The following FAT4 variants were observed in gnomAD, a reference collection of about 807,000 sequenced individuals.
The protein encoded by FAT4 is protocadherin Fat 4.
In FAT4, 84 loss-of-function variants were observed where a neutral mutation model predicts 303.9. The ratio of observed to expected loss-of-function variants is 0.28; its 90% CI spans 0.23 to 0.33. The LOEUF (loss-of-function observed/expected upper bound fraction) is 0.33. FAT4 is among the 10% of genes least tolerant of loss of function. The pLI is 1.00. For synonymous variants in FAT4, 2,307 were observed against 2,298.8 expected, an observed-to-expected ratio of 1.00 and a Z score of -0.10; for missense variants, 6,005 against 6,146.8, an observed-to-expected ratio of 0.98 and a Z score of 0.77.
rs1725032279 is a variant in FAT4 at position 125,424,807 on chromosome 4, A to C, written c.7018+8185A>C. On this transcript the variant is annotated intron_variant, in intron 7 of 17. Transcript: ENST00000394329. ...ATGCGGTTAAATTAACTGGCGAGAGAGTGTTAAGTACTTACGTATTTTACC... is the reference window on the plus strand; with the variant it reads ...ATGCGGTTAAATTAACTGGCGAGAGCGTGTTAAGTACTTACGTATTTTACC... Among the ~76,000 whole-genome samples, 2 of 152,146 alleles carry C rather than the reference A, an allele frequency of 1.3e-5. 1 individual carries two copies. Among genetic ancestry groups the C allele is most frequent in the South Asian group, 4.1e-4 (2 of 4,830 alleles).
At chr4:125,349,518 GC>G (rs1732139100) in intron 2 of FAT4, among the ~76,000 whole-genome samples, 1 of 151,626 alleles carries the variant, frequency 6.6e-6, no homozygotes, top group African/African-American at 2.4e-5. Context: ...TCTATAACAA[GC>G]TTTGGAAAAG....
chr4:125,482,192 C>T (rs114345861), intron 16 of FAT4, among the ~76,000 whole-genome samples: 1 of 152,210 alleles, frequency 6.6e-6, no homozygotes, highest in Non-Finnish European at 1.5e-5. Context: ...TAAGCAAAAA[C>T]ATTTTGAAAT....
chr4:125,429,962 T>A (rs1240544821), intron 7 of FAT4, among the ~76,000 whole-genome samples: 1 of 151,966 alleles, frequency 6.6e-6, no homozygotes, highest in East Asian at 1.9e-4. Flanking sequence ...CCGGAGAACC[T>A]CTCCACACAG....
At chr4:125,409,312 A>C (rs1390244438) in intron 5 of FAT4, among the ~76,000 whole-genome samples, 1 of 151,356 alleles carries the variant, frequency 6.6e-6, no homozygotes, top group Non-Finnish European at 1.5e-5. Context: ...GCTGGAGTGC[A>C]ATGATGCAAT....
Position 125,347,081 on chromosome 4 carries a change from GA to G in FAT4, c.5175+25498del, listed in dbSNP as rs138913038. Among the ~76,000 whole-genome samples the G allele has an allele frequency of 2.6e-4, 40 of 152,048 alleles. No individual in the cohort carries two copies. In the East Asian group the frequency reaches 6.2e-3, roughly 24 times the overall value. On this transcript the variant is annotated intron_variant, in intron 2 of 17. Transcript: ENST00000394329. ...GAGCTATTAATTGCAAATGCCATAT[GA>G]AAGCATCAGCCTGAGCGGTAGGCTC...
At chr4:125,441,048 ATT>A (rs56047458) in intron 8 of FAT4, among the ~76,000 whole-genome samples, 7,427 of 152,212 alleles carry the variant, frequency 0.049, 217 homozygotes, top group South Asian at 0.082. Flanking sequence ...TATAATAAGA[ATT>A]AACTCACTTC....
In FAT4 at chr4:125,400,962, C is replaced by A. The variant is rs562153387; in HGVS notation, c.5307+2047C>A. On this transcript the variant is annotated intron_variant, in intron 3 of 17. Transcript: ENST00000394329. ...ACAATATGTATGAGGTGTGACTGTGCCTGAAGGCATAAAAATCACCACATT... is the reference window on the plus strand; with the variant it reads ...ACAATATGTATGAGGTGTGACTGTGACTGAAGGCATAAAAATCACCACATT... Among the ~76,000 whole-genome samples, 16 of 151,938 alleles carry A rather than the reference C, an allele frequency of 1.1e-4. No individual in the cohort carries two copies. The South Asian group carries it at 3.3e-3, about 32-fold the overall frequency.
chr4:125,446,355 C>G lies in FAT4; in HGVS notation c.7262C>G (p.Thr2421Ser). 2 of 1,613,126 alleles carry G rather than the reference C, an allele frequency of 1.2e-6. No homozygotes were observed. Among genetic ancestry groups the G allele is most frequent in the Non-Finnish European group, 1.7e-6 (2 of 1,179,240 alleles). Residue 2421 changes from threonine (T) to serine (S), a missense_variant, in exon 9 of 18, where the codon ACC (threonine) becomes AGC (serine). Coordinates refer to ENST00000394329, the MANE Select transcript of FAT4 (RefSeq NM_001291303.3). ...AACCCATCGACAGGACAAATCATCACCAGCGCATTGTTAGATAGGGAAACA... is the reference window on the plus strand; with the variant it reads ...AACCCATCGACAGGACAAATCATCAGCAGCGCATTGTTAGATAGGGAAACA... ...TINPSTGQII[T>S]SALLDRETKD...
chr4:125,383,339 CA>C (rs1210091821), intron 2 of FAT4, among the ~76,000 whole-genome samples: 1 of 152,052 alleles, frequency 6.6e-6, no homozygotes, highest in Non-Finnish European at 1.5e-5. Context: ...GTCTTGTTTC[CA>C]TATTGTTGTT....
chr4:125,417,166 A>G (rs1235996584), intron 7 of FAT4, among the ~76,000 whole-genome samples: 1 of 152,096 alleles, frequency 6.6e-6, no homozygotes, highest in Non-Finnish European at 1.5e-5. Flanking sequence ...ATAAAACAGA[A>G]TGAATTGTTG....
At position 125,488,811 on chromosome 4, in the gene FAT4, C is replaced by T. The variant is rs938477611; in HGVS notation, c.13085-1090C>T. Among the ~76,000 whole-genome samples the T allele has an allele frequency of 9.9e-5, 15 of 152,052 alleles. No individual in the cohort carries two copies. In the South Asian group the frequency reaches 1.0e-3, roughly 11 times the overall value. On this transcript the variant is annotated intron_variant, in intron 17 of 17. Transcript: ENST00000394329. ...CAGTGTCAAGCAGGTAACTGAAGTA[C>T]TGGACATGGATGTGATCACCTAACA...
chr4:125,361,040 T>C lies in FAT4; in HGVS notation c.5176-37744T>C, dbSNP rs1732646405. Among the ~76,000 whole-genome samples, 5 of 150,178 alleles carry C rather than the reference T, an allele frequency of 3.3e-5. No individual in the cohort carries two copies. The Admixed American group carries it at 3.3e-4, about 10-fold the overall frequency. On this transcript the variant is annotated intron_variant, in intron 2 of 17. Transcript: ENST00000394329. ...TATTTATTAAATGAGTGCACTGATG[T>C]GTATTGTTTCAAATACATTTTATTA... is the stretch of plus-strand genomic sequence containing the variant.
In FAT4 at chr4:125,423,983, G is replaced by A. The variant is rs752463124; in HGVS notation, c.7018+7361G>A. Reference sequence around the variant, plus strand: ...GCCTGTACCGTATTATATCTATGAAGTAACTGCTTTGCTTTTGATTTTACA... The same window carrying A: ...GCCTGTACCGTATTATATCTATGAAATAACTGCTTTGCTTTTGATTTTACA... On this transcript the variant is annotated intron_variant, in intron 7 of 17. Transcript: ENST00000394329. Among the ~76,000 whole-genome samples, 7 of 152,324 alleles carry A rather than the reference G, an allele frequency of 4.6e-5. No individual in the cohort carries two copies. The South Asian group carries it at 1.4e-3, about 32-fold the overall frequency.
At chr4:125,344,457 A>G (rs543156527) in intron 2 of FAT4, among the ~76,000 whole-genome samples, 2 of 152,274 alleles carry the variant, frequency 1.3e-5, no homozygotes, top group African/African-American at 4.8e-5. Context: ...ATTCTTCAGC[A>G]TACCTTAAAC....
chr4:125,472,483 T>G (rs996912668), intron 12 of FAT4, among the ~76,000 whole-genome samples: 2 of 152,284 alleles, frequency 1.3e-5, no homozygotes, highest in Non-Finnish European at 2.9e-5. Flanking sequence ...AGGCTAAAAT[T>G]TATGCAATCT....
chr4:125,465,347 G>A (rs1726625964), intron 11 of FAT4, among the ~76,000 whole-genome samples: 1 of 152,052 alleles, frequency 6.6e-6, no homozygotes, highest in African/African-American at 2.4e-5. Context: ...TCTTTCAATG[G>A]TGTCTCATCA....
chr4:125,450,384 T>C lies in FAT4; in HGVS notation c.9374T>C (p.Leu3125Ser). 13 of 1,614,082 alleles carry C rather than the reference T, an allele frequency of 8.1e-6. No individual in the cohort carries two copies. The highest frequency in any genetic ancestry group is 1.1e-5 in the South Asian group (1 of 91,084). ...GATAGAGATGCAGCGATGAATGGCT[T>C]GATTAAGTACAGCATTTCTTCAGGA... ...ARDRDAAMNG[L>S]IKYSISSGNE... is the part of the protein sequence containing the mutation. Residue 3125 changes from leucine (L) to serine (S), a missense_variant, in exon 10 of 18, where the codon TTG becomes TCG. Coordinates refer to ENST00000394329, the MANE Select transcript of FAT4 (RefSeq NM_001291303.3).
intron 16 of FAT4, among the ~76,000 whole-genome samples, chr4:125,481,970 A>AACCCT (rs1727246492): frequency 6.6e-6 from 1 of 152,218 alleles, no homozygotes; most frequent in Admixed American, 6.5e-5. Flanking sequence ...TAGAGTAGAG[A>AACCCT]ACCCTGCCAG....
intron 8 of FAT4, among the ~76,000 whole-genome samples, chr4:125,444,942 A>C (rs921048853): frequency 2.0e-5 from 3 of 152,126 alleles, no homozygotes; most frequent in African/African-American, 7.2e-5. Context: ...TCAAGTTTTA[A>C]GAATTCATGT....
Sources: gnomAD v4.1 joint callset for allele counts (sites outside exome capture counted in the v4.1 genomes callset) on GRCh38, gnomAD v4.1.1 for gene constraint, MANE v1.5 for transcripts, NCBI Gene and HGNC (gene_info 2026-07-23, HGNC 2026-07-21) for gene names.